Variants in UGT1A8 observed in about 807,000 individuals in gnomAD.
The protein encoded by UGT1A8 is UDP glucuronosyltransferase family 1 member A8.
In UGT1A8, 39 loss-of-function variants were observed where a neutral mutation model predicts 45.3. The observed-to-expected ratio is 0.86, with a 90% CI of 0.67 to 1.12. The LOEUF is 1.12. Among genes scored for constraint, UGT1A8 ranks in the 50% most tolerant of loss-of-function variants. The pLI is 0.00. For missense variants in UGT1A8, 719 were observed against 664.9 expected, an observed-to-expected ratio of 1.08 and a Z score of -0.90; for synonymous variants, 275 against 249.2, an observed-to-expected ratio of 1.10 and a Z score of -0.97.
In UGT1A8 at chr2:233,649,676, C is replaced by A. The variant is rs567059188; in HGVS notation, c.855+31114C>A. Among the ~76,000 whole-genome samples the A allele has an allele frequency of 6.6e-5, 10 of 152,296 alleles. No individual in the cohort carries two copies. The South Asian group carries it at 2.1e-3, about 32-fold the overall frequency. On this transcript the variant is annotated intron_variant, in intron 1 of 4. Coordinates refer to ENST00000373450, the MANE Select transcript of UGT1A8 (RefSeq NM_019076.5). ...CTTTACTTTGGATGCAACATAGACA[C>A]AAGCTTTCCCAGGTGTTTTTCTGCT... is the stretch of plus-strand genomic sequence containing the variant.
intron 1 of UGT1A8, among the ~76,000 whole-genome samples, chr2:233,667,603 G>A (rs893166084): frequency 3.3e-5 from 5 of 152,174 alleles, no homozygotes; most frequent in Non-Finnish European, 7.3e-5. Flanking sequence ...GCAACTTACA[G>A]AATGGGAGAA....
At chr2:233,680,971 A>T (rs1156582605) in intron 1 of UGT1A8, among the ~76,000 whole-genome samples, 1 of 152,056 alleles carries the variant, frequency 6.6e-6, no homozygotes, top group Non-Finnish European at 1.5e-5. Flanking sequence ...GGAAGGGTCC[A>T]TGGAGGCAGG....
At chr2:233,713,376 G>T (rs1400775742) in intron 1 of UGT1A8, 4 of 1,614,068 alleles carry the variant, frequency 2.5e-6, no homozygotes, top group Non-Finnish European at 3.4e-6. Flanking sequence ...TAGGTCTTGT[G>T]TGGAGCTACT....
In UGT1A8 at chr2:233,748,102, A is replaced by G. The variant is rs1693867397; in HGVS notation, c.856-18932A>G. On this transcript the variant is annotated intron_variant, in intron 1 of 4. Coordinates refer to ENST00000373450, the MANE Select transcript of UGT1A8 (RefSeq NM_019076.5). Reference sequence around the variant, plus strand: ...CAGGTCGGTGTTCGTGCCTTCATCCAATCAATGTTCCAGGCAAAACAGTTT... The same window carrying G: ...CAGGTCGGTGTTCGTGCCTTCATCCGATCAATGTTCCAGGCAAAACAGTTT... The G allele has an allele frequency of 3.7e-6, 6 of 1,612,660 alleles. No homozygotes were observed. The Admixed American group carries it at 5.0e-5, about 13-fold the overall frequency.
At chr2:233,642,846 CT>C (rs918515136) in intron 1 of UGT1A8, among the ~76,000 whole-genome samples, 8 of 152,166 alleles carry the variant, frequency 5.3e-5, no homozygotes, top group Non-Finnish European at 1.2e-4. Flanking sequence ...GCTTTCTTCC[CT>C]TACTTCCTCC....
rs115940468 is a variant in UGT1A8, at chr2:233,693,384, A to G, written c.856-73650A>G. 36 of 1,614,214 alleles carry G rather than the reference A, an allele frequency of 2.2e-5. 1 individual carries two copies. The East Asian group carries it at 8.0e-4, about 36-fold the overall frequency. ...ATTGGCCTGTACTTCATCAACTGCC[A>G]GAGCCTCCTGCAGGACAGGGACACC... is the stretch of plus-strand genomic sequence containing the variant. On this transcript the variant is annotated intron_variant, in intron 1 of 4. Transcript: ENST00000373450.
At chr2:233,641,022 C>T (rs533483735) in intron 1 of UGT1A8, among the ~76,000 whole-genome samples, 1 of 152,282 alleles carries the variant, frequency 6.6e-6, no homozygotes, top group East Asian at 1.9e-4. Flanking sequence ...TCACCAGACC[C>T]TCAGCTGATA....
intron 1 of UGT1A8, among the ~76,000 whole-genome samples, chr2:233,752,077 C>T (rs1281273194): frequency 6.6e-6 from 1 of 152,216 alleles, no homozygotes; most frequent in Non-Finnish European, 1.5e-5. Context: ...GGAAGTCTCT[C>T]TACCTGTTTG....
At chr2:233,631,939 GT>G (rs1352380615) in intron 1 of UGT1A8, among the ~76,000 whole-genome samples, 1 of 152,120 alleles carries the variant, frequency 6.6e-6, no homozygotes, top group Non-Finnish European at 1.5e-5. Flanking sequence ...TATTGCCTAG[GT>G]TTTTTTCTAG....
rs45588634 is a variant in UGT1A8 at position 233,619,235 on chromosome 2, G to A, written c.855+673G>A. ...TGCATTTTTTATTTGCCAATAAATTGTAGATTCCTTTATACACCAATACAG... is the reference window on the plus strand; with the variant it reads ...TGCATTTTTTATTTGCCAATAAATTATAGATTCCTTTATACACCAATACAG... On this transcript the variant is annotated intron_variant, in intron 1 of 4. Coordinates refer to ENST00000373450, the MANE Select transcript of UGT1A8 (RefSeq NM_019076.5). Among the ~76,000 whole-genome samples the A allele has an allele frequency of 1.9e-3, 282 of 152,160 alleles. 1 individual carries two copies. Among genetic ancestry groups the A allele is most frequent in the African/African-American group, 6.4e-3 (267 of 41,544 alleles).
chr2:233,718,682 A>G, intron 1 of UGT1A8: 1 of 1,574,938 alleles, frequency 6.3e-7, no homozygotes, highest in Non-Finnish European at 8.6e-7. Flanking sequence ...GGTAATAAGT[A>G]ACTGGAGGAG....
rs267599273 is a variant in UGT1A8, at chr2:233,767,927, G to A, written c.1066G>A (p.Asp356Asn). ...TILVKWLPQN[D>N]LLGHPMTRAF... ...ACTTGTTAAGTGGCTACCCCAAAACGATCTGCTTGGTATGTTGGGCGGATT... is the reference window on the plus strand; with the variant it reads ...ACTTGTTAAGTGGCTACCCCAAAACAATCTGCTTGGTATGTTGGGCGGATT... The change falls in exon 3 of 5, where the codon GAT becomes AAT. Residue 356 changes from aspartate to asparagine, a missense_variant. By Grantham distance (23) the Asp-to-Asn change is conservative (BLOSUM62 1). Coordinates refer to ENST00000373450, the MANE Select transcript of UGT1A8 (RefSeq NM_019076.5). 45 of 1,614,054 alleles carry A rather than the reference G, an allele frequency of 2.8e-5. 1 individual carries two copies. The highest frequency in any genetic ancestry group is 2.2e-4 in the South Asian group (20 of 91,078).
chr2:233,692,904 C>T (rs2075119430), intron 1 of UGT1A8: 3 of 1,547,216 alleles, frequency 1.9e-6, no homozygotes, highest in East Asian at 4.5e-5. Context: ...GTAGACAGGA[C>T]CTGTGAAAAG....
At chr2:233,668,626 G>A (rs1023502067) in intron 1 of UGT1A8, among the ~76,000 whole-genome samples, 2 of 152,176 alleles carry the variant, frequency 1.3e-5, no homozygotes, top group East Asian at 3.8e-4. Flanking sequence ...TTGAGGAATT[G>A]CCACACTGTC....
chr2:233,742,188 G>A (rs1460351470), intron 1 of UGT1A8, among the ~76,000 whole-genome samples: 8 of 151,916 alleles, frequency 5.3e-5, no homozygotes, highest in Non-Finnish European at 8.8e-5. Context: ...AGTGTGGAGT[G>A]GGAAATCAGG....
chr2:233,636,690 T>C (rs1445183624), intron 1 of UGT1A8: 1 of 1,614,116 alleles, frequency 6.2e-7, no homozygotes. Flanking sequence ...ATGAGGTGGT[T>C]GTAGTCATGC....
At chr2:233,699,889 A>G (rs1435018489) in intron 1 of UGT1A8, among the ~76,000 whole-genome samples, 1 of 152,154 alleles carries the variant, frequency 6.6e-6, no homozygotes, top group Non-Finnish European at 1.5e-5. Context: ...GCAATTGGAG[A>G]GGCGAAATAG....
At position 233,743,856 on chromosome 2, in the gene UGT1A8, T is replaced by C. The variant is rs764670005; in HGVS notation, c.856-23178T>C. The stretch of plus-strand genomic sequence containing the variant: ...TTGAGCGCCAGCTTGCGGTACGCCT[T>C]CTTGATGGCCTCGGATGAGGCCTGC... On this transcript the variant is annotated intron_variant, in intron 1 of 4. Transcript: ENST00000373450. The C allele has an allele frequency of 2.9e-6, 4 of 1,367,240 alleles. No homozygotes were observed. The East Asian group carries it at 1.4e-4, about 47-fold the overall frequency. The allele number at this position is 1,367,240 out of a possible 1,614,324, so 84.7% of individuals were successfully genotyped here.
intron 1 of UGT1A8, among the ~76,000 whole-genome samples, chr2:233,704,007 C>G (rs915075630): frequency 6.6e-6 from 1 of 152,048 alleles, no homozygotes; most frequent in Non-Finnish European, 1.5e-5. Flanking sequence ...TCTCCCACCT[C>G]AGCCGCCCGA....
Sources: allele counts gnomAD v4.1 joint callset (sites outside exome capture counted in the v4.1 genomes callset), GRCh38; gene constraint gnomAD v4.1.1; transcripts MANE v1.5; gene names NCBI Gene and HGNC (gene_info 2026-07-23, HGNC 2026-07-21).